TBC1D5: variants seen among roughly 807,000 people sequenced by gnomAD.
The protein encoded by TBC1D5 is TBC1 domain family, member 5.
Under a neutral mutation model 100.3 loss-of-function variants are expected in TBC1D5, and 75 were observed. That is an observed-to-expected ratio of 0.75 (90% CI 0.62 to 0.91). TBC1D5 has a LOEUF of 0.91. Among genes scored for constraint, TBC1D5 ranks in the 40% least tolerant of loss-of-function variants. TBC1D5 has a pLI of 0.00. For synonymous variants in TBC1D5, 323 were observed against 325.6 expected (o/e 0.99, Z 0.09); for missense variants, 910 against 942.4 (o/e 0.97, Z 0.45).
chr3:17,237,507 G>GA (rs1457456421), intron 17 of TBC1D5, among the ~76,000 whole-genome samples: 1 of 152,194 alleles, frequency 6.6e-6, no homozygotes, highest in Non-Finnish European at 1.5e-5. Flanking sequence ...TAGCTTACCT[G>GA]AGTCCCAGTA....
At chr3:17,289,629 T>C (rs2081521044) in intron 15 of TBC1D5, among the ~76,000 whole-genome samples, 1 of 121,590 alleles carries the variant, frequency 8.2e-6, no homozygotes, top group South Asian at 2.5e-4. Flanking sequence ...CGAGACTCCA[T>C]CTCAAAAAAA....
intron 13 of TBC1D5, among the ~76,000 whole-genome samples, chr3:17,332,165 A>G (rs916355007): frequency 6.6e-6 from 1 of 152,176 alleles, no homozygotes; most frequent in Non-Finnish European, 1.5e-5. Flanking sequence ...AGAAGAGTGA[A>G]GTGGCCTGGT....
chr3:17,413,942 T>C (rs920396859), intron 4 of TBC1D5, among the ~76,000 whole-genome samples: 2 of 152,142 alleles, frequency 1.3e-5, no homozygotes, highest in Non-Finnish European at 1.5e-5. Context: ...CTACTGACAA[T>C]GAAATTGCTG....
At chr3:17,612,268 C>T (rs908553778) in intron 2 of TBC1D5, among the ~76,000 whole-genome samples, 17 of 149,950 alleles carry the variant, frequency 1.1e-4, no homozygotes, top group Non-Finnish European at 2.2e-4. Context: ...CCACTGTACT[C>T]CAGCCTGGGT....
chr3:17,403,377 C>A (rs1274135198), intron 7 of TBC1D5, 129 bp from the exon 8 acceptor site: 1 of 495,660 alleles, frequency 2.0e-6, no homozygotes, highest in Non-Finnish European at 3.3e-6. Flanking sequence ...AGATAGAAAA[C>A]CTGAGACTGG....
chr3:17,201,195 A>C (rs1235817817), intron 18 of TBC1D5, among the ~76,000 whole-genome samples: 1 of 150,404 alleles, frequency 6.6e-6, no homozygotes, highest in Non-Finnish European at 1.5e-5. Flanking sequence ...GCATGCCTTT[A>C]ATTTAATTTA....
At chr3:17,161,721 A>G (rs1300444675) in intron 21 of TBC1D5, among the ~76,000 whole-genome samples, 4 of 152,236 alleles carry the variant, frequency 2.6e-5, no homozygotes, top group African/African-American at 9.6e-5. Flanking sequence ...ATATAGTGAG[A>G]TGATATGTGC....
At chr3:17,654,318 T>C (rs1388420244) in intron 1 of TBC1D5, among the ~76,000 whole-genome samples, 1 of 152,162 alleles carries the variant, frequency 6.6e-6, no homozygotes, top group East Asian at 1.9e-4. Flanking sequence ...CTTAGACACA[T>C]AATGAAATGA....
At chr3:17,159,895 A>G (rs1343982121) in exon 22 of TBC1D5, 1 of 152,248 alleles carries the variant, frequency 6.6e-6, no homozygotes, top group East Asian at 1.9e-4. Flanking sequence ...TCCCCACAGA[A>G]GGGACTCTAG....
In TBC1D5 at chr3:17,166,854, G is replaced by A. The variant is rs955082316; in HGVS notation, c.2007C>T (p.Thr669=). ...TGGAGCAGTAGTGGTTGTCCGCAAT[G>A]GTGATCTGTTCGTTCTCTTCGGCCT... Residue 669 remains threonine (T), a synonymous_variant, in exon 21 of 22, where the codon ACC becomes ACT. Coordinates refer to ENST00000253692, the Ensembl canonical transcript of TBC1D5. The A allele has an allele frequency of 2.5e-6, 4 of 1,614,088 alleles. No individual in the cohort carries two copies. The African/African-American group carries it at 5.3e-5, about 22-fold the overall frequency.
chr3:17,297,357 A>T (rs1426744003), intron 14 of TBC1D5, among the ~76,000 whole-genome samples: 2 of 152,192 alleles, frequency 1.3e-5, no homozygotes, highest in Non-Finnish European at 2.9e-5. Flanking sequence ...TGGGCGGATC[A>T]TGAGGTCAGG....
intron 19 of TBC1D5, 96 bp downstream of exon 20, chr3:17,185,013 T>C (rs2068857132): frequency 2.9e-6 from 3 of 1,024,746 alleles, no homozygotes; most frequent in Non-Finnish European, 4.4e-6. Context: ...AGGTAATTCA[T>C]GTAAACAGCT....
chr3:17,186,408 AC>A (rs1478842876), intron 18 of TBC1D5, among the ~76,000 whole-genome samples: 2 of 152,154 alleles, frequency 1.3e-5, no homozygotes, highest in Admixed American at 1.3e-4. Flanking sequence ...GAAACACTGG[AC>A]ACAGAAAACA....
chr3:17,208,089 C>A (rs1175562887), intron 18 of TBC1D5, among the ~76,000 whole-genome samples: 1 of 152,206 alleles, frequency 6.6e-6, no homozygotes, highest in Non-Finnish European at 1.5e-5. Flanking sequence ...TCACACTGGC[C>A]TGGAAACGAA....
At chr3:17,611,365 C>A (rs2061656566) in intron 2 of TBC1D5, among the ~76,000 whole-genome samples, 2 of 151,808 alleles carry the variant, frequency 1.3e-5, no homozygotes, top group Admixed American at 6.6e-5. Flanking sequence ...GTTTAAAGAT[C>A]TAGAACAAAT....
chr3:17,208,852 T>C (rs1172384599), intron 18 of TBC1D5, among the ~76,000 whole-genome samples: 4 of 152,250 alleles, frequency 2.6e-5, no homozygotes, highest in African/African-American at 4.8e-5. Flanking sequence ...TGGTTCTTCA[T>C]AGACACGTTC....
chr3:17,737,239 T>C (rs1320395298), intron 1 of TBC1D5, among the ~76,000 whole-genome samples: 1 of 152,230 alleles, frequency 6.6e-6, no homozygotes, highest in Non-Finnish European at 1.5e-5. Flanking sequence ...GTCTAGTTAT[T>C]CTGAAGACTC....
chr3:17,530,940 C>A (rs1285391581), intron 2 of TBC1D5, among the ~76,000 whole-genome samples: 1 of 152,192 alleles, frequency 6.6e-6, no homozygotes, highest in Admixed American at 6.5e-5. Context: ...GGGATGCCCT[C>A]TCTCACCACT....
At chr3:17,559,550 G>A (rs2096544026) in intron 2 of TBC1D5, among the ~76,000 whole-genome samples, 1 of 151,842 alleles carries the variant, frequency 6.6e-6, no homozygotes, top group African/African-American at 2.4e-5. Flanking sequence ...CATACATTGT[G>A]AGAATGTGGA....
Sources: gnomAD v4.1 joint callset for allele counts (sites outside exome capture counted in the v4.1 genomes callset) on GRCh38, gnomAD v4.1.1 for gene constraint, MANE v1.5 for transcripts, NCBI Gene and HGNC (gene_info 2026-07-23, HGNC 2026-07-21) for gene names.